KCNQ3: variants seen among roughly 807,000 people sequenced by gnomAD.
The protein encoded by KCNQ3 is potassium voltage-gated channel subfamily KQT member 3.
KCNQ3 carries 30 observed loss-of-function variants against 92.5 expected under a neutral mutation model. The observed-to-expected ratio is 0.32, with a 90% CI of 0.24 to 0.44. The LOEUF (loss-of-function observed/expected upper bound fraction) is 0.44, where lower values mean the gene tolerates loss of function less well. Among genes scored for constraint, KCNQ3 ranks in the 20% least tolerant of loss-of-function variants. The probability of loss-of-function intolerance (pLI) is 1.00; values close to 1 mark genes in which losing one functional copy is unlikely to be tolerated. For synonymous variants in KCNQ3, 450 were observed against 468.8 expected (o/e 0.96, Z 0.52); for missense variants, 913 against 1,140.3 (o/e 0.80, Z 2.87).
intron 1 of KCNQ3, among the ~76,000 whole-genome samples, chr8:132,339,928 A>G (rs888545398): frequency 6.6e-6 from 1 of 151,926 alleles, no homozygotes; most frequent in African/African-American, 2.4e-5. Flanking sequence ...CTGTAAAGAA[A>G]TTTACTCTTC....
At chr8:132,199,572 C>T (rs1307740497) in intron 1 of KCNQ3, among the ~76,000 whole-genome samples, 9 of 152,284 alleles carry the variant, frequency 5.9e-5, no homozygotes, top group Admixed American at 3.9e-4. Flanking sequence ...TCTTCTAAAT[C>T]TACCTCGTGG....
intron 1 of KCNQ3, among the ~76,000 whole-genome samples, chr8:132,327,751 C>A (rs1237660296): frequency 2.6e-5 from 4 of 152,120 alleles, no homozygotes; most frequent in Admixed American, 6.5e-5. Flanking sequence ...CATGAAGAGG[C>A]CTAAGGGGAA....
intron 12 of KCNQ3, among the ~76,000 whole-genome samples, chr8:132,137,463 G>A (rs554682123): frequency 2.6e-5 from 4 of 152,242 alleles, no homozygotes; most frequent in African/African-American, 9.6e-5. Context: ...TTATTAGTTA[G>A]GCATTGATGC....
At chr8:132,214,412 A>C (rs1813960385) in intron 1 of KCNQ3, among the ~76,000 whole-genome samples, 1 of 152,144 alleles carries the variant, frequency 6.6e-6, no homozygotes, top group African/African-American at 2.4e-5. Flanking sequence ...TTAGGAGCAG[A>C]ATTCTTTATT....
chr8:132,282,454 C>A (rs1017152754), intron 1 of KCNQ3, among the ~76,000 whole-genome samples: 5 of 152,168 alleles, frequency 3.3e-5, no homozygotes, highest in African/African-American at 1.2e-4. Context: ...GGAGACTGAA[C>A]ACAATTTTGA....
intron 1 of KCNQ3, among the ~76,000 whole-genome samples, chr8:132,344,580 T>C (rs1189946601): frequency 6.6e-6 from 1 of 152,010 alleles, no homozygotes; most frequent in Non-Finnish European, 1.5e-5. Context: ...CCTGGAGGAG[T>C]AAAGAAACAT....
intron 1 of KCNQ3, among the ~76,000 whole-genome samples, chr8:132,268,378 C>T (rs1816054192): frequency 6.6e-6 from 1 of 152,142 alleles, no homozygotes; most frequent in South Asian, 2.1e-4. Context: ...GATTCTCCTG[C>T]CTCAGCTTCC....
intron 1 of KCNQ3, among the ~76,000 whole-genome samples, chr8:132,217,579 C>T (rs907550703): frequency 3.3e-5 from 5 of 151,906 alleles, no homozygotes; most frequent in South Asian, 2.1e-4. Context: ...GGCGTGGTGG[C>T]GGGTGCCTGG....
intron 12 of KCNQ3, among the ~76,000 whole-genome samples, chr8:132,136,387 A>G (rs1825094334): frequency 6.6e-6 from 1 of 152,128 alleles, no homozygotes; most frequent in Non-Finnish European, 1.5e-5. Context: ...TATTGACATC[A>G]TAACTGCCCG....
intron 8 of KCNQ3, 57 bp downstream of exon 8, chr8:132,170,277 A>G (rs1826284218): frequency 7.9e-7 from 1 of 1,261,926 alleles, no homozygotes; most frequent in Non-Finnish European, 1.2e-6. Flanking sequence ...ACACGAATAC[A>G]GACCGCAGGA....
At chr8:132,324,289 C>T (rs1817978387) in intron 1 of KCNQ3, among the ~76,000 whole-genome samples, 1 of 152,130 alleles carries the variant, frequency 6.6e-6, no homozygotes, top group African/African-American at 2.4e-5. Flanking sequence ...AATGTCCTTC[C>T]TTGGATCCTC....
intron 1 of KCNQ3, among the ~76,000 whole-genome samples, chr8:132,369,160 A>G (rs7834752): frequency 0.018 from 2,796 of 152,238 alleles, 72 homozygotes; most frequent in African/African-American, 0.059. Flanking sequence ...TCATTACATC[A>G]TATCAAGAGT....
At chr8:132,137,525 T>C (rs943115252) in intron 12 of KCNQ3, among the ~76,000 whole-genome samples, 1 of 152,234 alleles carries the variant, frequency 6.6e-6, no homozygotes, top group Non-Finnish European at 1.5e-5. Flanking sequence ...CATTTTTAAA[T>C]ATGGTAAAGA....
intron 1 of KCNQ3, among the ~76,000 whole-genome samples, chr8:132,474,106 T>C (rs1822352995): frequency 1.3e-5 from 2 of 152,186 alleles, no homozygotes; most frequent in Admixed American, 6.5e-5. Flanking sequence ...AATGCCAAGA[T>C]GAAGCCAGCA....
chr8:132,472,639 GGTTA>G (rs1232634135), intron 1 of KCNQ3, among the ~76,000 whole-genome samples: 2 of 152,264 alleles, frequency 1.3e-5, no homozygotes, highest in East Asian at 3.9e-4. Context: ...TATAAAGAGA[GGTTA>G]GTTAATGGGT....
chr8:132,193,875 TG>T (rs1339834143), intron 1 of KCNQ3, among the ~76,000 whole-genome samples: 2 of 152,122 alleles, frequency 1.3e-5, no homozygotes, highest in East Asian at 3.9e-4. Context: ...GAGAATGAGG[TG>T]TGGTCAGAGC....
chr8:132,364,424 C>T (rs1197764510), intron 1 of KCNQ3, among the ~76,000 whole-genome samples: 1 of 152,146 alleles, frequency 6.6e-6, no homozygotes, highest in Non-Finnish European at 1.5e-5. Flanking sequence ...ATTGAATCTG[C>T]CTTTCACTGA....
At chr8:132,376,328 T>C (rs934442756) in intron 1 of KCNQ3, among the ~76,000 whole-genome samples, 2 of 152,228 alleles carry the variant, frequency 1.3e-5, no homozygotes, top group South Asian at 4.1e-4. Context: ...TTTTACATTA[T>C]AACGAGTATA....
chr8:132,124,197 T>C lies in KCNQ3; in HGVS notation c.*5065A>G, dbSNP rs1455777303. The C allele has an allele frequency of 1.3e-5, 2 of 152,210 alleles. No individual in the cohort carries two copies. The highest frequency in any genetic ancestry group is 1.3e-4 in the Admixed American group (2 of 15,282). 9.4% of individuals were successfully genotyped at this position (152,210 alleles called of 1,614,324 possible). A position where few individuals can be genotyped will look rare whatever the true frequency, so the allele number is the denominator to read the frequency against. On this transcript the variant is annotated 3_prime_UTR_variant, in exon 15 of 15. Transcript: ENST00000388996. ...GAGCAAGCATTTTTATTTGCAGAGA[T>C]GTACTTATTTAAAAAGCAATTGTGA... is the stretch of plus-strand genomic sequence containing the variant.
Sources: allele counts gnomAD v4.1 joint callset (sites outside exome capture counted in the v4.1 genomes callset), GRCh38; gene constraint gnomAD v4.1.1; transcripts MANE v1.5; gene names NCBI Gene and HGNC (gene_info 2026-07-23, HGNC 2026-07-21).